Variants in SLC35F5 observed in about 807,000 individuals in gnomAD.
The protein encoded by SLC35F5 is solute carrier family 35 member F5, also known as HCV NS5A-transactivated protein 3.
Under a neutral mutation model 68.6 loss-of-function variants are expected in SLC35F5, and 54 were observed. That is an observed-to-expected ratio of 0.79 (90% confidence interval 0.63 to 0.99). SLC35F5 has a LOEUF of 0.99. SLC35F5 is among the 50% of genes least tolerant of loss of function. The pLI is 0.00. For missense variants in SLC35F5, 567 were observed against 626.9 expected, an observed-to-expected ratio of 0.90 and a Z score of 1.02; for synonymous variants, 211 against 205.2, an observed-to-expected ratio of 1.03 and a Z score of -0.24.
At chr2:113,722,166 G>A in intron 13 of SLC35F5, among the ~76,000 whole-genome samples, 1 of 151,728 alleles carries the variant, frequency 6.6e-6, no homozygotes, top group East Asian at 1.9e-4. Context: ...GTAGAGACGG[G>A]GTTTCACCAT....
intron 9 of SLC35F5, 35 bp from the exon 10 acceptor site, chr2:113,731,683 G>A (rs763090866): frequency 1.4e-4 from 214 of 1,524,100 alleles, no homozygotes; most frequent in Non-Finnish European, 1.9e-4. Flanking sequence ...ATGAGCTAAA[G>A]AATTCTGAAA....
intron 11 of SLC35F5, among the ~76,000 whole-genome samples, chr2:113,726,832 G>C (rs1267600270): frequency 6.6e-6 from 1 of 152,156 alleles, no homozygotes; most frequent in Non-Finnish European, 1.5e-5. Context: ...CCAAACCTCA[G>C]TTATACTTGT....
chr2:113,712,020 C>T lies in SLC35F5; in HGVS notation c.*3198G>A, dbSNP rs1390986381. On this transcript the variant is annotated 3_prime_UTR_variant, in exon 16 of 16. Transcript: ENST00000245680. ...CCTTGCATACCCTGGAGTCATACCT[C>T]AAATTGGCTCTGCATGATTGATTTT... Among the ~76,000 whole-genome samples, 1 of 152,194 alleles carries T rather than the reference C, an allele frequency of 6.6e-6. No homozygotes were observed. The highest frequency in any genetic ancestry group is 1.5e-5 in the Non-Finnish European group (1 of 68,036).
chr2:113,748,303 T>C (rs1260951867), intron 4 of SLC35F5, among the ~76,000 whole-genome samples: 1 of 147,606 alleles, frequency 6.8e-6, no homozygotes, highest in African/African-American at 2.5e-5. Context: ...CTAACCGGGA[T>C]TACAGGAGTG....
chr2:113,756,052 T>C (rs1302143245), intron 1 of SLC35F5: 1 of 1,465,530 alleles, frequency 6.8e-7, no homozygotes, highest in African/African-American at 1.4e-5. Context: ...CCCACCTCTA[T>C]CAAAACATCC....
At chr2:113,703,226 A>T (rs1200701128), downstream of SLC35F5, among the ~76,000 whole-genome samples, 1 of 152,050 alleles carries the variant, frequency 6.6e-6, no homozygotes, top group Non-Finnish European at 1.5e-5. Flanking sequence ...CTCTCCCTGG[A>T]TATACTCAAC....
Position 113,742,815 on chromosome 2 carries a change from A to G in SLC35F5, c.627T>C (p.His209=), listed in dbSNP as rs1046913523. 3.7e-6 allele frequency: 6 copies of G among 1,614,056 alleles called. No homozygotes were observed. Among genetic ancestry groups the G allele is most frequent in the Admixed American group, 3.3e-5 (2 of 60,006 alleles). The change falls in exon 7 of 16, where the codon CAT becomes CAC. Residue 209 remains histidine, a synonymous_variant. Coordinates refer to ENST00000245680, the MANE Select transcript of SLC35F5 (RefSeq NM_025181.5). ...TGCGAGACAACTTTGCTTCCAATGC[A>G]TGACTTGACGGAAGCTGTCGAATCT... ...IMEIRQLPSS[H]ALEAKLSRMS...
At chr2:113,719,896 T>A (rs1404076811) in intron 13 of SLC35F5, among the ~76,000 whole-genome samples, 1 of 151,546 alleles carries the variant, frequency 6.6e-6, no homozygotes, top group African/African-American at 2.4e-5. Context: ...AATATAGAAA[T>A]ATTTTTACTA....
Position 113,707,103 on chromosome 2 carries a change from T to C in SLC35F5, c.*8115A>G, listed in dbSNP as rs17048294. Among the ~76,000 whole-genome samples, 13,196 of 152,190 alleles carry C rather than the reference T, an allele frequency of 0.087. 618 individuals carry two copies. Among genetic ancestry groups the C allele is most frequent in the Non-Finnish European group, 0.1 (7,114 of 67,982 alleles). ...GATGGAGGGATCAAATTATCAAGTT[T>C]TTTAACAAAATTGAGGTAAAAATCT... is the stretch of plus-strand genomic sequence containing the variant. On this transcript the variant is annotated 3_prime_UTR_variant, in exon 16 of 16. Transcript: ENST00000245680.
At position 113,712,136 on chromosome 2, in the gene SLC35F5, T is replaced by C. The variant is rs1687006934; in HGVS notation, c.*3082A>G. Among the ~76,000 whole-genome samples the C allele has an allele frequency of 6.6e-6, 1 of 152,190 alleles. No homozygotes were observed. The highest frequency in any genetic ancestry group is 1.5e-5 in the Non-Finnish European group (1 of 68,034). Reference sequence around the variant, plus strand: ...TGTGAGCTCACTTCTACAAGAACAATGAACTTATTTGTCAGCTGCCAGGGG... The same window carrying C: ...TGTGAGCTCACTTCTACAAGAACAACGAACTTATTTGTCAGCTGCCAGGGG... On this transcript the variant is annotated 3_prime_UTR_variant, in exon 16 of 16. Coordinates refer to ENST00000245680, the MANE Select transcript of SLC35F5 (RefSeq NM_025181.5).
chr2:113,734,167 G>A (rs1687998592), intron 9 of SLC35F5, among the ~76,000 whole-genome samples: 1 of 152,192 alleles, frequency 6.6e-6, no homozygotes, highest in African/African-American at 2.4e-5. Context: ...CATCACCTGA[G>A]GCTTAGACAA....
chr2:113,712,465 G>A lies in SLC35F5; in HGVS notation c.*2753C>T, dbSNP rs1687024291. Among the ~76,000 whole-genome samples, 1 of 152,004 alleles carries A rather than the reference G, an allele frequency of 6.6e-6. No individual in the cohort carries two copies. The highest frequency in any genetic ancestry group is 1.5e-5 in the Non-Finnish European group (1 of 67,986). ...CCGAGCAGCTGGGACTACAGGCGCCGCCACCACGCCCGGCTAATTCTTTGT... is the reference window on the plus strand; with the variant it reads ...CCGAGCAGCTGGGACTACAGGCGCCACCACCACGCCCGGCTAATTCTTTGT... On this transcript the variant is annotated 3_prime_UTR_variant, in exon 16 of 16. Coordinates refer to ENST00000245680, the MANE Select transcript of SLC35F5 (RefSeq NM_025181.5).
chr2:113,713,402 T>A lies in SLC35F5; in HGVS notation c.*1816A>T, dbSNP rs900016357. The A allele has an allele frequency of 6.6e-6, 1 of 152,194 alleles. No individual in the cohort carries two copies. Among genetic ancestry groups the A allele is most frequent in the Non-Finnish European group, 1.5e-5 (1 of 68,032 alleles). 9.4% of individuals were successfully genotyped at this position (152,194 alleles called of 1,614,324 possible). A position where few individuals can be genotyped will look rare whatever the true frequency, so the allele number is the denominator to read the frequency against. On this transcript the variant is annotated 3_prime_UTR_variant, in exon 16 of 16. Coordinates refer to ENST00000245680, the MANE Select transcript of SLC35F5 (RefSeq NM_025181.5). ...AGATTCTAAGCTCAGCCTCTTTCCC[T>A]ATAGTATTTACAGAATAATTTTAAA...
chr2:113,718,786 C>T (rs1687274360), intron 14 of SLC35F5, among the ~76,000 whole-genome samples: 1 of 146,322 alleles, frequency 6.8e-6, no homozygotes, highest in Non-Finnish European at 1.5e-5. Flanking sequence ...CAGAGCAAGA[C>T]TCTGTCAAGA....
Position 113,731,546 on chromosome 2 carries a change from T to C in SLC35F5, c.985+38A>G, listed in dbSNP as rs371337152. 5.8e-6 allele frequency: 9 copies of C among 1,543,268 alleles called. No individual in the cohort carries two copies. In the African/African-American group the frequency reaches 6.8e-5, roughly 12 times the overall value. On this transcript the variant is annotated intron_variant, in intron 10 of 15. Transcript: ENST00000245680. ...TGAGCACGCACATGTAACTTTCTTA[T>C]TTACTCTAACAGAGAGAATCCAGAG...
Position 113,717,659 on chromosome 2 carries a change from T to C in SLC35F5, c.*22+94A>G, listed in dbSNP as rs1386562702. The C allele has an allele frequency of 1.9e-5, 16 of 824,392 alleles. No homozygotes were observed. In the Middle Eastern group the frequency reaches 8.4e-4, roughly 43 times the overall value. The allele number at this position is 824,392 out of a possible 1,614,324, so 51.1% of individuals were successfully genotyped here. A position where few individuals can be genotyped will look rare whatever the true frequency, so the allele number is the denominator to read the frequency against. On this transcript the variant is annotated intron_variant, in intron 15 of 15. Transcript: ENST00000245680. The stretch of plus-strand genomic sequence containing the variant: ...AGCCCCTTTAGCCTCTAAGGCTGTA[T>C]TGCCTCTCAAACAACTAATTATAGA...
Position 113,713,834 on chromosome 2 carries a change from G to T in SLC35F5, c.*1384C>A, listed in dbSNP as rs1458466460. 2 of 149,422 alleles carry T rather than the reference G, an allele frequency of 1.3e-5. No individual in the cohort carries two copies. Among genetic ancestry groups the T allele is most frequent in the African/African-American group, 4.9e-5 (2 of 40,658 alleles). The allele number at this position is 149,422 out of a possible 1,614,324, so 9.3% of individuals were successfully genotyped here. ...TTTTTAAAGGTAATATAATATAGAAGTTCTCAGAATGAAACAAAAGGAAGG... is the reference window on the plus strand; with the variant it reads ...TTTTTAAAGGTAATATAATATAGAATTTCTCAGAATGAAACAAAAGGAAGG... On this transcript the variant is annotated 3_prime_UTR_variant, in exon 16 of 16. Transcript: ENST00000245680.
At chr2:113,736,853 C>CT (rs1266233088) in intron 7 of SLC35F5, among the ~76,000 whole-genome samples, 1 of 152,076 alleles carries the variant, frequency 6.6e-6, no homozygotes, top group Non-Finnish European at 1.5e-5. Context: ...AGAAATAATG[C>CT]TTTTTTTGAT....
At chr2:113,750,923 T>A (rs1559364552) in intron 3 of SLC35F5, among the ~76,000 whole-genome samples, 1 of 152,188 alleles carries the variant, frequency 6.6e-6, no homozygotes, top group South Asian at 2.1e-4. Context: ...GACAGGAAGA[T>A]TGCTTGAGCC....
Sources: allele counts gnomAD v4.1 joint callset (sites outside exome capture counted in the v4.1 genomes callset), GRCh38; gene constraint gnomAD v4.1.1; transcripts MANE v1.5; gene names NCBI Gene and HGNC (gene_info 2026-07-23, HGNC 2026-07-21).